The following AKAP19 variants were observed in gnomAD, a reference collection of about 807,000 sequenced individuals.
The protein encoded by AKAP19 is small A-kinase anchoring protein.
At chr2:190,153,784 T>C in the AKAP19 span, among the ~76,000 whole-genome samples, 1 of 152,250 alleles carries the variant, frequency 6.6e-6, no homozygotes, top group Admixed American at 6.5e-5. Context: ...TCTCTTAATG[T>C]GCTAATTTGT....
the AKAP19 span, among the ~76,000 whole-genome samples, chr2:189,976,043 G>A: frequency 2.6e-5 from 4 of 152,294 alleles, no homozygotes; most frequent in East Asian, 1.9e-4. Context: ...TTCCTTGGAG[G>A]GGGAGAGGTG....
the AKAP19 span, among the ~76,000 whole-genome samples, chr2:189,932,707 CA>C: frequency 5.4e-3 from 617 of 113,522 alleles, no homozygotes; most frequent in Admixed American, 7.8e-3. Flanking sequence ...CCCTCTCTTT[CA>C]AAAAAAAAAA....
chr2:189,949,815 A>G, the AKAP19 span, among the ~76,000 whole-genome samples: 1 of 151,278 alleles, frequency 6.6e-6, no homozygotes, highest in Non-Finnish European at 1.5e-5. Context: ...TACTTTTAGT[A>G]GAGATGGGGT....
chr2:189,895,285 A>G, the AKAP19 span, among the ~76,000 whole-genome samples: 1 of 152,166 alleles, frequency 6.6e-6, no homozygotes, highest in Admixed American at 6.6e-5. Context: ...CTGCACTAGT[A>G]TGTAATCCTA....
the AKAP19 span, among the ~76,000 whole-genome samples, chr2:189,950,983 T>TG: frequency 1.3e-5 from 2 of 151,808 alleles, no homozygotes; most frequent in Non-Finnish European, 2.9e-5. Context: ...AGGGTTGGGG[T>TG]GGGGGTAGTA....
chr2:189,892,167 T>C, the AKAP19 span, among the ~76,000 whole-genome samples: 2 of 152,068 alleles, frequency 1.3e-5, no homozygotes, highest in Non-Finnish European at 2.9e-5. Context: ...GTCCGTGCAT[T>C]GCATTAGAAC....
At chr2:189,979,606 G>C in the AKAP19 span, among the ~76,000 whole-genome samples, 3 of 152,036 alleles carry the variant, frequency 2.0e-5, no homozygotes, top group Non-Finnish European at 4.4e-5. Flanking sequence ...AGGCATCTCT[G>C]TATAGCAGAA....
At chr2:190,050,053 T>G in the AKAP19 span, among the ~76,000 whole-genome samples, 1 of 152,224 alleles carries the variant, frequency 6.6e-6, no homozygotes, top group Non-Finnish European at 1.5e-5. Context: ...GAACAACTTT[T>G]GAAAAATAAA....
the AKAP19 span, among the ~76,000 whole-genome samples, chr2:190,038,156 G>A: frequency 6.6e-6 from 1 of 152,154 alleles, no homozygotes; most frequent in Admixed American, 6.5e-5. Flanking sequence ...TGTCCTACAG[G>A]GGTAGCCACT....
the AKAP19 span, among the ~76,000 whole-genome samples, chr2:189,983,720 A>G: frequency 6.6e-6 from 1 of 152,182 alleles, no homozygotes; most frequent in Admixed American, 6.5e-5. Flanking sequence ...CTGGGAACCC[A>G]TTGGTCCCTT....
the AKAP19 span, among the ~76,000 whole-genome samples, chr2:190,084,244 C>T: frequency 6.6e-6 from 1 of 152,114 alleles, no homozygotes; most frequent in Non-Finnish European, 1.5e-5. Context: ...AGGCGCCCAC[C>T]ACCATGCCTG....
chr2:189,919,045 T>G, the AKAP19 span, among the ~76,000 whole-genome samples: 1 of 152,230 alleles, frequency 6.6e-6, no homozygotes, highest in African/African-American at 2.4e-5. Flanking sequence ...AGTTTTAAAT[T>G]TTGGCACATT....
At chr2:190,077,025 A>AT in the AKAP19 span, among the ~76,000 whole-genome samples, 23 of 151,204 alleles carry the variant, frequency 1.5e-4, no homozygotes, top group African/African-American at 5.1e-4. Flanking sequence ...GGTACAACTG[A>AT]TTTTTTTTTC....
At chr2:190,095,701 G>A in the AKAP19 span, 2 of 152,164 alleles carry the variant, frequency 1.3e-5, no homozygotes, top group African/African-American at 4.8e-5. Context: ...TATATGGTGG[G>A]AACTCAGGAT....
At chr2:190,043,515 T>C in the AKAP19 span, among the ~76,000 whole-genome samples, 2 of 152,222 alleles carry the variant, frequency 1.3e-5, no homozygotes, top group Non-Finnish European at 2.9e-5. Flanking sequence ...GTGAAAATCT[T>C]ATATTGTGTT....
At chr2:190,089,157 T>C in the AKAP19 span, among the ~76,000 whole-genome samples, 1 of 152,218 alleles carries the variant, frequency 6.6e-6, no homozygotes, top group African/African-American at 2.4e-5. Context: ...ACTCTCTTTG[T>C]ACCTAAATGT....
chr2:190,151,329 G>A, the AKAP19 span, among the ~76,000 whole-genome samples: 2 of 152,238 alleles, frequency 1.3e-5, no homozygotes, highest in Admixed American at 1.3e-4. Context: ...GTTAAGCTCC[G>A]CATGCGTTAG....
At chr2:189,905,081 G>A in the AKAP19 span, among the ~76,000 whole-genome samples, 33 of 151,844 alleles carry the variant, frequency 2.2e-4, no homozygotes, top group African/African-American at 7.0e-4. Flanking sequence ...ACAAATAAAT[G>A]TATTACTCAA....
the AKAP19 span, among the ~76,000 whole-genome samples, chr2:190,198,399 G>A: frequency 6.6e-6 from 1 of 152,074 alleles, no homozygotes; most frequent in Non-Finnish European, 1.5e-5. Flanking sequence ...CAAGCACTTT[G>A]GGAGGCTGAG....
Sources: gnomAD v4.1 joint callset for allele counts (sites outside exome capture counted in the v4.1 genomes callset) on GRCh38, gnomAD v4.1.1 for gene constraint, MANE v1.5 for transcripts, NCBI Gene and HGNC (gene_info 2026-07-23, HGNC 2026-07-21) for gene names.